Variants in DTNA observed in about 807,000 individuals in gnomAD.
The protein encoded by DTNA is dystrophin-related protein 3.
A neutral mutation model predicts 100.7 loss-of-function variants in DTNA; 43 were observed. The observed-to-expected ratio is 0.43, with a 90% confidence interval of 0.33 to 0.55. The LOEUF (loss-of-function observed/expected upper bound fraction) is 0.55, where lower values mean the gene tolerates loss of function less well. DTNA is among the 20% of genes least tolerant of loss of function. The probability of loss-of-function intolerance (pLI) is 0.04; values close to 1 mark genes in which losing one functional copy is unlikely to be tolerated. For synonymous variants in DTNA, 349 were observed against 347.9 expected, an observed-to-expected ratio of 1.00 and a Z score of -0.04; for missense variants, 798 against 953.9, an observed-to-expected ratio of 0.84 and a Z score of 2.15.
intron 8 of DTNA, 132 bp downstream of exon 8, chr18:34,818,462 C>A: frequency 6.5e-7 from 1 of 1,537,074 alleles, no homozygotes; most frequent in South Asian, 1.2e-5. Flanking sequence ...TTCAGTCCCC[C>A]TTCCTCCCAC....
At chr18:34,532,195 C>A (rs951784688) in intron 1 of DTNA, among the ~76,000 whole-genome samples, 5 of 152,034 alleles carry the variant, frequency 3.3e-5, no homozygotes, top group Admixed American at 6.6e-5. Context: ...GCACACTGGT[C>A]AAGGGAGGAA....
chr18:34,853,784 C>T (rs2096517582), intron 15 of DTNA, among the ~76,000 whole-genome samples: 1 of 151,818 alleles, frequency 6.6e-6, no homozygotes. Context: ...AAAAAAATAG[C>T]CATACAAATT....
intron 9 of DTNA, among the ~76,000 whole-genome samples, chr18:34,826,048 T>C (rs765286100): frequency 6.6e-6 from 1 of 152,168 alleles, no homozygotes; most frequent in Non-Finnish European, 1.5e-5. Context: ...ATCAAAGATA[T>C]GTCTTAGATA....
intron 1 of DTNA, among the ~76,000 whole-genome samples, chr18:34,528,100 T>C (rs1453073708): frequency 2.7e-4 from 41 of 152,114 alleles, no homozygotes; most frequent in Admixed American, 2.7e-3. Flanking sequence ...TGCTTCTGTT[T>C]TTAAAACTCC....
rs28736352 is a variant in DTNA, at chr18:34,578,924, T to G, written c.-2+85410T>G. ...ATTAGATTTAAGTCTACCATCTTAG[T>G]ATTTGTATTCTATTTGTCACATCTG... On this transcript the variant is annotated intron_variant, in intron 1 of 19. Transcript: ENST00000283365. Among the ~76,000 whole-genome samples the G allele has an allele frequency of 2.1e-3, 327 of 152,284 alleles. 1 individual carries two copies. The highest frequency in any genetic ancestry group is 7.5e-3 in the African/African-American group (310 of 41,572).
intron 1 of DTNA, among the ~76,000 whole-genome samples, chr18:34,514,100 G>T (rs1360381058): frequency 4.6e-5 from 7 of 152,120 alleles, no homozygotes; most frequent in Non-Finnish European, 8.8e-5. Context: ...GGACTCTAAA[G>T]ATTGCTCTTA....
rs145063919 is a variant in DTNA, at chr18:34,878,565, C to T, written c.1993+757C>T. ...AAACAGTCCTCCTGCTTCAGCCTCC[C>T]GAAGTGCTGGGATTCCCAGCCCTTA... is the stretch of plus-strand genomic sequence containing the variant. On this transcript the variant is annotated intron_variant, in intron 19 of 22. Coordinates refer to ENST00000444659, the MANE Select transcript of DTNA (RefSeq NM_001386795.1). 2.8e-3 allele frequency among the ~76,000 whole-genome samples: 427 copies of T among 152,184 alleles called. 2 individuals carry two copies. The highest frequency in any genetic ancestry group is 1.0e-2 in the African/African-American group (414 of 41,510).
chr18:34,732,918 CG>C (rs1335431700), intron 1 of DTNA, among the ~76,000 whole-genome samples: 23 of 152,160 alleles, frequency 1.5e-4, no homozygotes, highest in Admixed American at 3.9e-4. Context: ...AGGATGAGTC[CG>C]GGGATCCTCT....
chr18:34,720,134 G>T, intron 1 of DTNA, among the ~76,000 whole-genome samples: 1 of 152,124 alleles, frequency 6.6e-6, no homozygotes, highest in East Asian at 1.9e-4. Flanking sequence ...AGTCATGAGG[G>T]GGTGGAAGGG....
chr18:34,657,108 G>A (rs111448509), intron 1 of DTNA, among the ~76,000 whole-genome samples: 1,751 of 152,132 alleles, frequency 0.012, 41 homozygotes, highest in African/African-American at 0.04. Flanking sequence ...AAAATCCTGA[G>A]CTCAGACAAT....
intron 18 of DTNA, among the ~76,000 whole-genome samples, chr18:34,877,015 C>T (rs553631269): frequency 6.6e-6 from 1 of 151,970 alleles, no homozygotes; most frequent in South Asian, 2.1e-4. Context: ...TTCCATTAAC[C>T]CTTAGTGTGC....
At chr18:34,509,444 A>G (rs1325158986) in intron 1 of DTNA, among the ~76,000 whole-genome samples, 1 of 152,102 alleles carries the variant, frequency 6.6e-6, no homozygotes, top group Non-Finnish European at 1.5e-5. Flanking sequence ...ATAAACACAA[A>G]ATGTGTCAGG....
intron 1 of DTNA, among the ~76,000 whole-genome samples, chr18:34,529,551 G>A (rs997942225): frequency 6.6e-6 from 1 of 152,070 alleles, no homozygotes; most frequent in African/African-American, 2.4e-5. Context: ...GTCCATAAGA[G>A]AATAACAAAC....
intron 1 of DTNA, among the ~76,000 whole-genome samples, chr18:34,623,858 T>A (rs963374724): frequency 2.6e-5 from 4 of 152,208 alleles, no homozygotes; most frequent in Non-Finnish European, 1.5e-5. Flanking sequence ...TTAAAAACTA[T>A]AATTTGGAAG....
chr18:34,528,890 C>A, intron 1 of DTNA, among the ~76,000 whole-genome samples: 1 of 152,084 alleles, frequency 6.6e-6, no homozygotes, highest in Admixed American at 6.6e-5. Flanking sequence ...CTAATTCCAA[C>A]CCTACTCACT....
intron 1 of DTNA, among the ~76,000 whole-genome samples, chr18:34,687,640 G>T (rs866419828): frequency 1.3e-5 from 2 of 152,180 alleles, no homozygotes; most frequent in African/African-American, 4.8e-5. Context: ...GGAGAGTTCT[G>T]CAGATGTCTG....
chr18:34,591,815 TAGGCTAAA>T (rs2049759189), intron 1 of DTNA, among the ~76,000 whole-genome samples: 1 of 152,166 alleles, frequency 6.6e-6, no homozygotes, highest in Admixed American at 6.5e-5. Context: ...GTAACAAAGT[TAGGCTAAA>T]AGGCTAAAAG....
chr18:34,865,623 T>A (rs2096691078), intron 17 of DTNA, among the ~76,000 whole-genome samples: 1 of 152,238 alleles, frequency 6.6e-6, no homozygotes, highest in Admixed American at 6.5e-5. Context: ...TTCTGGCCTG[T>A]TAATCTCATT....
chr18:34,730,569 A>C (rs574678894), intron 1 of DTNA, among the ~76,000 whole-genome samples: 1 of 152,236 alleles, frequency 6.6e-6, no homozygotes, highest in South Asian at 2.1e-4. Context: ...CAAATATAGT[A>C]ATTTTCATGG....
Sources: allele counts gnomAD v4.1 joint callset (sites outside exome capture counted in the v4.1 genomes callset), GRCh38; gene constraint gnomAD v4.1.1; transcripts MANE v1.5; gene names NCBI Gene and HGNC (gene_info 2026-07-23, HGNC 2026-07-21).